FCGRT: variants seen among roughly 807,000 people sequenced by gnomAD.
The protein encoded by FCGRT is Fc gamma receptor and transporter, also known as IgG receptor FcRn large subunit p51.
Under a neutral mutation model 35.7 loss-of-function variants are expected in FCGRT, and 13 were observed. The observed-to-expected ratio is 0.36, with a 90% CI of 0.24 to 0.58. The LOEUF is 0.58. Ranked by LOEUF, FCGRT falls within the 20% of genes least tolerant of loss-of-function variation. The pLI is 0.77. For missense variants in FCGRT, 455 were observed against 474.9 expected, an observed-to-expected ratio of 0.96 and a Z score of 0.39; for synonymous variants, 233 against 216.5, an observed-to-expected ratio of 1.08 and a Z score of -0.67.
intron 4 of FCGRT, among the ~76,000 whole-genome samples, chr19:49,524,166 C>A (rs937746030): frequency 1.7e-4 from 26 of 151,752 alleles, no homozygotes; most frequent in Admixed American, 3.9e-4. Context: ...CTACAGGTGC[C>A]CGGCTAATTT....
Position 49,524,626 on chromosome 19 carries a change from G to T in FCGRT, c.721G>T (p.Ala241Ser). 1 of 1,610,108 alleles carries T rather than the reference G, an allele frequency of 6.2e-7. No individual in the cohort carries two copies. Among genetic ancestry groups the T allele is most frequent in the Non-Finnish European group, 8.5e-7 (1 of 1,180,024 alleles). Reference protein sequence around the residue: ...LQLRFLRNGLAAGTGQGDFGP... With the variant: ...LQLRFLRNGLSAGTGQGDFGP... The stretch of plus-strand genomic sequence containing the variant: ...ACTTCGGTTCCTGCGGAATGGGCTG[G>T]CCGCTGGCACCGGCCAGGGTGACTT... Residue 241 changes from alanine (A) to serine (S), a missense_variant, in exon 5 of 7, where the codon GCC becomes TCC. Around this residue, in one of 3 missense-constraint regions of FCGRT, gnomAD observed 312 missense variants for 296.1 expected, o/e 1.05. Coordinates refer to ENST00000221466, the MANE Select transcript of FCGRT (RefSeq NM_001136019.3).
intron 4 of FCGRT, 30 bp downstream of exon 4, chr19:49,514,516 C>T (rs1423646332): frequency 2.0e-6 from 3 of 1,518,082 alleles, no homozygotes; most frequent in African/African-American, 2.8e-5. Flanking sequence ...GCAGGCTGTT[C>T]TGTCCTCTCT....
intron 4 of FCGRT, among the ~76,000 whole-genome samples, chr19:49,516,535 G>A (rs2080008764): frequency 1.3e-5 from 2 of 150,084 alleles, no homozygotes; most frequent in African/African-American, 5.0e-5. Context: ...ACAGACGTGA[G>A]CCACTGCTCC....
In FCGRT at chr19:49,524,762, T is replaced by A; in HGVS notation, c.857T>A (p.Leu286His). 1 of 1,600,268 alleles carries A rather than the reference T, an allele frequency of 6.2e-7. No homozygotes were observed. Among genetic ancestry groups the A allele is most frequent in the African/African-American group, 1.3e-5 (1 of 75,036 alleles). The change falls in exon 5 of 7, where the codon CTC becomes CAC. Residue 286 changes from leucine (L) to histidine (H), a missense_variant. Physicochemically the swap from Leu to His is moderately conservative, Grantham distance 99. Around this residue, in one of 3 missense-constraint regions of FCGRT, gnomAD observed 312 missense variants for 296.1 expected, o/e 1.05. Coordinates refer to ENST00000221466, the MANE Select transcript of FCGRT (RefSeq NM_001136019.3). ...IVQHAGLAQPLRVELESPAKS... is the reference protein window; with the variant it reads ...IVQHAGLAQPHRVELESPAKS... ...CAGCACGCGGGGCTGGCGCAGCCCC[T>A]CAGGGTGGAGCTGGGTGAGGTCCCG...
chr19:49,522,140 G>C (rs2080044797), intron 4 of FCGRT, among the ~76,000 whole-genome samples: 1 of 150,420 alleles, frequency 6.6e-6, no homozygotes, highest in Non-Finnish European at 1.5e-5. Flanking sequence ...GCTATACCCA[G>C]GTGTGATCAT....
chr19:49,521,228 T>G (rs1261267373), intron 4 of FCGRT: 1 of 152,146 alleles, frequency 6.6e-6, no homozygotes, highest in East Asian at 1.9e-4. Flanking sequence ...CTGGCTAACA[T>G]TTTCTATTTT....
At chr19:49,525,353 T>G (rs2080068062) in intron 5 of FCGRT, 104 bp from the exon 6 acceptor site, 7 of 863,644 alleles carry the variant, frequency 8.1e-6, no homozygotes, top group African/African-American at 3.3e-5. Context: ...CACTTGGTGC[T>G]GGAATCTCCG....
At position 49,526,278 on chromosome 19, in the gene FCGRT, C is replaced by T. The variant is rs14770; in HGVS notation, c.*159C>T. On this transcript the variant is annotated 3_prime_UTR_variant, in exon 7 of 7. Coordinates refer to ENST00000221466, the MANE Select transcript of FCGRT (RefSeq NM_001136019.3). The stretch of plus-strand genomic sequence containing the variant: ...CCTGTGGTCTGCCTCAGTTTCCCCT[C>T]CTAATACATATGGCTGTTTTCCACC... 1 of 608,978 alleles carries T rather than the reference C, an allele frequency of 1.6e-6. No homozygotes were observed. 37.7% of individuals were successfully genotyped at this position (608,978 alleles called of 1,614,324 possible).
At chr19:49,516,551 T>TTTGTTG (rs56189133) in intron 4 of FCGRT, among the ~76,000 whole-genome samples, 4 of 149,556 alleles carry the variant, frequency 2.7e-5, no homozygotes, top group South Asian at 2.1e-4. Context: ...GCTCCTGGCC[T>TTTGTTG]TTGTTGTTGT....
Position 49,513,380 on chromosome 19 carries a change from GC to G in FCGRT, c.-14-3del. ...CGGGAGGAGTCACGTGCCCCCTCCC[GC>G]CCCAGGTCGTCCTCTCAGCATGGGG... On this transcript the variant is annotated splice_region_variant and splice_polypyrimidine_tract_variant and intron_variant, in intron 1 of 6. Coordinates refer to ENST00000221466, the MANE Select transcript of FCGRT (RefSeq NM_001136019.3). 1 of 575,944 alleles carries G rather than the reference GC, an allele frequency of 1.7e-6. No homozygotes were observed. The highest frequency in any genetic ancestry group is 8.3e-5 in the South Asian group (1 of 12,078). 35.7% of individuals were successfully genotyped at this position (575,944 alleles called of 1,614,324 possible). A position where few individuals can be genotyped will look rare whatever the true frequency, so the allele number is the denominator to read the frequency against.
At chr19:49,525,670 A>G in intron 6 of FCGRT, 97 bp downstream of exon 6, 1 of 841,512 alleles carries the variant, frequency 1.2e-6, no homozygotes. Flanking sequence ...GAGAGGGGGG[A>G]CAGAGATCAG....
chr19:49,521,501 C>T (rs1393183873), intron 4 of FCGRT, among the ~76,000 whole-genome samples: 1 of 145,956 alleles, frequency 6.9e-6, no homozygotes, highest in Non-Finnish European at 1.5e-5. Context: ...CCCCAGGAGG[C>T]GGAGGTTGCA....
chr19:49,524,894 G>A, intron 5 of FCGRT, 118 bp downstream of exon 5: 1 of 1,056,324 alleles, frequency 9.5e-7, no homozygotes, highest in Non-Finnish European at 1.4e-6. Flanking sequence ...GAATCTGACT[G>A]CCTTGAACCT....
intron 4 of FCGRT, among the ~76,000 whole-genome samples, chr19:49,520,179 G>T (rs1226925944): frequency 7.3e-6 from 1 of 137,198 alleles, no homozygotes; most frequent in African/African-American, 2.9e-5. Flanking sequence ...CACCAGGCTG[G>T]AGTGCAGTAG....
intron 4 of FCGRT, among the ~76,000 whole-genome samples, chr19:49,517,391 T>C (rs1016463338): frequency 4.0e-5 from 6 of 151,792 alleles, no homozygotes; most frequent in Non-Finnish European, 8.8e-5. Flanking sequence ...TTCGGGAGGC[T>C]GAGGCAGGAG....
chr19:49,514,562 G>A, intron 4 of FCGRT, 76 bp downstream of exon 4: 1 of 1,395,932 alleles, frequency 7.2e-7, no homozygotes, highest in South Asian at 1.5e-5. Context: ...CCCCTGCCAG[G>A]ACCCTCCATC....
intron 4 of FCGRT, among the ~76,000 whole-genome samples, chr19:49,523,975 A>G (rs752775894): frequency 9.9e-5 from 15 of 151,986 alleles, no homozygotes; most frequent in Non-Finnish European, 2.1e-4. Flanking sequence ...TAAATTTTCA[A>G]ATGTGTTGCT....
In FCGRT at chr19:49,513,466, G is replaced by T; in HGVS notation, c.66G>T (p.Leu22=). 4 of 1,243,680 alleles carry T rather than the reference G, an allele frequency of 3.2e-6. No individual in the cohort carries two copies. The South Asian group carries it at 1.6e-4, about 51-fold the overall frequency. 77.0% of individuals were successfully genotyped at this position (1,243,680 alleles called of 1,614,324 possible). A position where few individuals can be genotyped will look rare whatever the true frequency, so the allele number is the denominator to read the frequency against. Residue 22 remains leucine, a synonymous_variant, in exon 2 of 7, where the codon CTG becomes CTT. Coordinates refer to ENST00000221466, the MANE Select transcript of FCGRT (RefSeq NM_001136019.3). ...GLLLFLLPGS[L]GAESHLSLLY... is the part of the protein sequence containing the mutation. ...TGCTCTTTCTCCTTCCTGGGAGCCT[G>T]GGCGCAGGTGAGGGCCGCTCCGGGC...
At chr19:49,518,918 T>C (rs1418656094) in intron 4 of FCGRT, among the ~76,000 whole-genome samples, 3 of 143,764 alleles carry the variant, frequency 2.1e-5, no homozygotes, top group Non-Finnish European at 4.6e-5. Context: ...TCTCAGCTCA[T>C]TGCAACCTCC....
Sources: gnomAD v4.1 joint callset for allele counts (sites outside exome capture counted in the v4.1 genomes callset) on GRCh38, gnomAD v4.1.1 for gene constraint, gnomAD v4.1.1 regional missense constraint, MANE v1.5 for transcripts, NCBI Gene and HGNC (gene_info 2026-07-23, HGNC 2026-07-21) for gene names.